The following ARNT2 variants were observed in gnomAD, a reference collection of about 807,000 sequenced individuals.
ARNT2 encodes the protein ARNT protein 2.
ARNT2 carries 36 observed loss-of-function variants against 91.7 expected under a neutral mutation model. That is an observed-to-expected ratio of 0.39 (90% CI 0.30 to 0.52). The LOEUF (loss-of-function observed/expected upper bound fraction) is 0.52. Ranked by LOEUF, ARNT2 falls within the 20% of genes least tolerant of loss-of-function variation. ARNT2 has a pLI of 0.72. For missense variants in ARNT2, 775 were observed against 939.3 expected, an observed-to-expected ratio of 0.83 and a Z score of 2.29; for synonymous variants, 365 against 347.1, an observed-to-expected ratio of 1.05 and a Z score of -0.57.
At chr15:80,483,555 T>G (rs116707438) in intron 5 of ARNT2, among the ~76,000 whole-genome samples, 4,230 of 152,236 alleles carry the variant, frequency 0.028, 182 homozygotes, top group African/African-American at 0.096. Flanking sequence ...GAGCAGCCTG[T>G]GTAGCAGCCT....
intron 8 of ARNT2, among the ~76,000 whole-genome samples, chr15:80,548,781 T>C (rs1898031740): frequency 6.6e-6 from 1 of 152,108 alleles, no homozygotes. Flanking sequence ...AAAACATCCT[T>C]TGTTCTTGGG....
At chr15:80,546,811 A>G (rs1277408350) in intron 8 of ARNT2, among the ~76,000 whole-genome samples, 1 of 152,054 alleles carries the variant, frequency 6.6e-6, no homozygotes, top group Admixed American at 6.5e-5. Flanking sequence ...AAAAATACAA[A>G]AATTAGCCAT....
Position 80,519,243 on chromosome 15 carries a change from G to A in ARNT2, c.877+4838G>A, listed in dbSNP as rs563542423. On this transcript the variant is annotated intron_variant, in intron 8 of 18. Coordinates refer to ENST00000303329, the MANE Select transcript of ARNT2 (RefSeq NM_014862.4). ...TTGAGGAAATGTGCCTGGGAGATAC[G>A]TATATGCCTTTCTCCAAAGATGATT... Among the ~76,000 whole-genome samples the A allele has an allele frequency of 2.0e-4, 30 of 152,234 alleles. 2 individuals carry two copies. The highest frequency in any genetic ancestry group is 3.3e-4 in the Admixed American group (5 of 15,292).
At chr15:80,453,690 G>A (rs959492069) in intron 2 of ARNT2, among the ~76,000 whole-genome samples, 13 of 152,142 alleles carry the variant, frequency 8.5e-5, no homozygotes, top group African/African-American at 2.7e-4. Flanking sequence ...GCCATGGCAC[G>A]CATTTCCCAC....
Position 80,410,843 on chromosome 15 carries a change from ATC to A in ARNT2, c.31+6315_31+6316del, listed in dbSNP as rs141467598. ...TCTACCTACCTATCATCTGTCTACC[ATC>A]TCTCTCTCTCTCTCTCTTTCTCTTT... is the stretch of plus-strand genomic sequence containing the variant. On this transcript the variant is annotated intron_variant, in intron 1 of 18. Transcript: ENST00000303329. Among the ~76,000 whole-genome samples the A allele has an allele frequency of 1.6e-3, 229 of 145,870 alleles. 1 individual carries two copies. Among genetic ancestry groups the A allele is most frequent in the Non-Finnish European group, 1.8e-3 (121 of 66,070 alleles).
intron 6 of ARNT2, among the ~76,000 whole-genome samples, chr15:80,509,911 A>G (rs766761713): frequency 6.0e-4 from 91 of 152,310 alleles, no homozygotes; most frequent in Non-Finnish European, 1.1e-3. Flanking sequence ...AGTGGATGTT[A>G]GGTCGTGTTG....
intron 6 of ARNT2, among the ~76,000 whole-genome samples, chr15:80,509,458 A>AAATAATAAT (rs142269366): frequency 3.3e-5 from 5 of 151,396 alleles, no homozygotes; most frequent in African/African-American, 9.7e-5. Context: ...AAAGAGACTA[A>AAATAATAAT]AATAATAATA....
At chr15:80,584,028 A>G (rs920116080) in intron 17 of ARNT2, among the ~76,000 whole-genome samples, 3 of 152,336 alleles carry the variant, frequency 2.0e-5, no homozygotes, top group South Asian at 2.1e-4. Context: ...GGCCACAGCT[A>G]TTTGAGTGGA....
At chr15:80,411,874 G>A (rs1895684967) in intron 1 of ARNT2, among the ~76,000 whole-genome samples, 2 of 152,208 alleles carry the variant, frequency 1.3e-5, no homozygotes, top group African/African-American at 2.4e-5. Flanking sequence ...GTAGTGGTAG[G>A]TTCCGTGTTA....
chr15:80,456,181 C>G (rs778470739), intron 2 of ARNT2, among the ~76,000 whole-genome samples: 1 of 152,198 alleles, frequency 6.6e-6, no homozygotes, highest in African/African-American at 2.4e-5. Context: ...ACATCGGCAA[C>G]TCTAAAGCTG....
intron 1 of ARNT2, among the ~76,000 whole-genome samples, chr15:80,445,605 G>A (rs935699042): frequency 6.6e-6 from 1 of 151,852 alleles, no homozygotes; most frequent in African/African-American, 2.4e-5. Flanking sequence ...CAGGATGGAG[G>A]AGGCCGGTGC....
intron 10 of ARNT2, among the ~76,000 whole-genome samples, chr15:80,553,835 A>T (rs749190361): frequency 4.6e-5 from 7 of 152,266 alleles, no homozygotes; most frequent in Admixed American, 1.3e-4. Context: ...AGCAGTTCAA[A>T]CTAGAACTAT....
chr15:80,423,100 T>G (rs911959635), intron 1 of ARNT2, among the ~76,000 whole-genome samples: 7 of 152,250 alleles, frequency 4.6e-5, no homozygotes, highest in African/African-American at 1.4e-4. Flanking sequence ...AGGCAGGTTC[T>G]TAGCCTCTTT....
chr15:80,524,658 T>C (rs1312759789), intron 8 of ARNT2, among the ~76,000 whole-genome samples: 2 of 152,026 alleles, frequency 1.3e-5, no homozygotes, highest in Non-Finnish European at 2.9e-5. Context: ...GGGCGATTCA[T>C]GAGGTCAGCA....
At chr15:80,533,597 G>A (rs1262682063) in intron 8 of ARNT2, among the ~76,000 whole-genome samples, 1 of 152,216 alleles carries the variant, frequency 6.6e-6, no homozygotes, top group Non-Finnish European at 1.5e-5. Context: ...AGACATGGGG[G>A]AGAAGCCAGC....
chr15:80,441,231 A>T (rs1453425963), intron 1 of ARNT2: 2 of 985,414 alleles, frequency 2.0e-6, no homozygotes, highest in Non-Finnish European at 2.4e-6. Context: ...AGGTAAACAG[A>T]TCTGTGATGA....
At chr15:80,502,206 T>C (rs986363635) in intron 5 of ARNT2, among the ~76,000 whole-genome samples, 16 of 152,200 alleles carry the variant, frequency 1.1e-4, no homozygotes, top group East Asian at 5.8e-4. Context: ...AGAAAACTAA[T>C]TGTGGTCCTG....
At chr15:80,418,332 G>T (rs1288339153) in intron 1 of ARNT2, among the ~76,000 whole-genome samples, 2 of 152,128 alleles carry the variant, frequency 1.3e-5, no homozygotes, top group Admixed American at 6.5e-5. Context: ...TCCCTACCTT[G>T]CACTGCCCTG....
intron 8 of ARNT2, among the ~76,000 whole-genome samples, chr15:80,532,874 C>T (rs546060194): frequency 6.6e-6 from 1 of 152,256 alleles, no homozygotes. Context: ...AAAAGGGACT[C>T]AAATATGGTC....
Sources: gnomAD v4.1 joint callset for allele counts (sites outside exome capture counted in the v4.1 genomes callset) on GRCh38, gnomAD v4.1.1 for gene constraint, MANE v1.5 for transcripts, NCBI Gene and HGNC (gene_info 2026-07-23, HGNC 2026-07-21) for gene names.